The following MKRN2OS variants were observed in gnomAD, a reference collection of about 807,000 sequenced individuals.
MKRN2OS encodes the protein MKRN2 opposite strand protein.
Under a neutral mutation model 18.2 loss-of-function variants are expected in MKRN2OS, and 17 were observed. That is an observed-to-expected ratio of 0.93 (90% CI 0.64 to 1.40). The LOEUF (loss-of-function observed/expected upper bound fraction) is 1.40, where lower values mean the gene tolerates loss of function less well. Ranked by LOEUF, MKRN2OS falls within the 40% of genes most tolerant of loss-of-function variation. The pLI, the probability that MKRN2OS is intolerant of heterozygous loss-of-function variation, is 0.00. For synonymous variants in MKRN2OS, 121 were observed against 108.5 expected (o/e 1.12, Z -0.72); for missense variants, 337 against 283.0 (o/e 1.19, Z -1.37).
chr3:12,543,283 A>G, intron 1 of MKRN2OS, 54 bp from the exon 2 acceptor site: 6 of 1,454,726 alleles, frequency 4.1e-6, no homozygotes, highest in Non-Finnish European at 5.6e-6. Flanking sequence ...GGCATGAAGA[A>G]TTGGCATTTA....
At chr3:12,552,751 G>T (rs1257563205), downstream of MKRN2OS, among the ~76,000 whole-genome samples, 1 of 151,716 alleles carries the variant, frequency 6.6e-6, no homozygotes, top group Non-Finnish European at 1.5e-5. Flanking sequence ...GGCTGGGCAT[G>T]GTGGCTCATG....
chr3:12,545,507 TC>T (rs1339295122), upstream of MKRN2OS: 4 of 1,411,646 alleles, frequency 2.8e-6, no homozygotes, highest in Non-Finnish European at 3.8e-6. Flanking sequence ...TCCGGAGACT[TC>T]CTTTTCCTCA....
rs374370051 is a variant in MKRN2OS at position 12,556,738 on chromosome 3, T to C, written n.265-2604A>G. 5.6e-4 allele frequency among the ~76,000 whole-genome samples: 85 copies of C among 151,808 alleles called. 1 individual carries two copies. The highest frequency in any genetic ancestry group is 1.6e-3 in the African/African-American group (65 of 41,400). On this transcript the variant is annotated intron_variant and non_coding_transcript_variant, in intron 1 of 1. Coordinates refer to the MKRN2OS transcript ENST00000447550. Reference sequence around the variant, plus strand: ...ATGAATGGATAGGGGCATCCGGGATTAAGAGGAGAGGCTGGAGTTTCCCCA... The same window carrying C: ...ATGAATGGATAGGGGCATCCGGGATCAAGAGGAGAGGCTGGAGTTTCCCCA...
At chr3:12,552,536 C>T (rs1467423184), downstream of MKRN2OS, among the ~76,000 whole-genome samples, 3 of 150,916 alleles carry the variant, frequency 2.0e-5, no homozygotes, top group South Asian at 2.1e-4. Flanking sequence ...CTCAGCCTCC[C>T]GAGTAGCTGG....
chr3:12,552,315 CA>C (rs561991598), downstream of MKRN2OS, among the ~76,000 whole-genome samples: 29 of 138,844 alleles, frequency 2.1e-4, no homozygotes, highest in Middle Eastern at 3.7e-3. Context: ...AAGACCATCT[CA>C]AAAAAAAAAG....
At position 12,540,400 on chromosome 3, in the gene MKRN2OS, G is replaced by GT. The variant is rs2057779531; in HGVS notation, c.464dup (p.Tyr155Ter). ...YEDNHHNCYS[Y>*]ALTFINCVLM... ...GAACGCAGTTAATGAACGTGAGTGC[G>GT]TAAGAGTAGCAGTTATGGTGGTTGT... The change falls in exon 4 of 4, where the codon TAC becomes TAAC. Residue 155 changes from tyrosine to a stop codon, truncating the protein, a stop_gained and frameshift_variant. Coordinates refer to ENST00000564146, the MANE Select transcript of MKRN2OS (RefSeq NM_001195279.2). LOFTEE classifies it low-confidence loss of function (END_TRUNC). 10 of 1,536,134 alleles carry GT rather than the reference G, an allele frequency of 6.5e-6. No individual in the cohort carries two copies. Among genetic ancestry groups the GT allele is most frequent in the Admixed American group, 2.0e-5 (1 of 50,996 alleles).
At chr3:12,547,142 C>T (rs1159346744), upstream of MKRN2OS, among the ~76,000 whole-genome samples, 1 of 152,000 alleles carries the variant, frequency 6.6e-6, no homozygotes, top group Non-Finnish European at 1.5e-5. Flanking sequence ...ATAAGCAATT[C>T]CATAAAAATA....
intron 3 of MKRN2OS, among the ~76,000 whole-genome samples, chr3:12,541,526 TG>T (rs2057813230): frequency 6.6e-6 from 1 of 151,938 alleles, no homozygotes; most frequent in Non-Finnish European, 1.5e-5. Flanking sequence ...GCCTGAATAT[TG>T]TTTTTTTTAA....
chr3:12,544,673 C>G (rs2057861664), intron 1 of MKRN2OS, among the ~76,000 whole-genome samples: 1 of 115,468 alleles, frequency 8.7e-6, no homozygotes, highest in Non-Finnish European at 1.7e-5. Context: ...GAGCGAAACT[C>G]TGTCTCGGGG....
chr3:12,540,402 A>G lies in MKRN2OS; in HGVS notation c.463T>C (p.Tyr155His), dbSNP rs1436253783. Residue 155 changes from tyrosine to histidine, a missense_variant, in exon 4 of 4, where the codon TAC becomes CAC. Transcript: ENST00000564146. ...YEDNHHNCYS[Y>H]ALTFINCVLM... ...ACGCAGTTAATGAACGTGAGTGCGT[A>G]AGAGTAGCAGTTATGGTGGTTGTCT... 8 of 1,536,120 alleles carry G rather than the reference A, an allele frequency of 5.2e-6. No homozygotes were observed. Among genetic ancestry groups the G allele is most frequent in the Non-Finnish European group, 7.0e-6 (8 of 1,146,898 alleles).
chr3:12,544,134 G>C (rs1330816017), intron 1 of MKRN2OS, among the ~76,000 whole-genome samples: 1 of 152,174 alleles, frequency 6.6e-6, no homozygotes, highest in East Asian at 1.9e-4. Context: ...ATAGGGACCA[G>C]AAGGAAATTA....
At chr3:12,555,455 T>C (rs568695697) in intron 1 of MKRN2OS, among the ~76,000 whole-genome samples, 3 of 152,230 alleles carry the variant, frequency 2.0e-5, no homozygotes, top group Admixed American at 1.3e-4. Flanking sequence ...ATTTCAAAAG[T>C]TCTAAATAAT....
In MKRN2OS at chr3:12,540,395, A is replaced by G; in HGVS notation, c.470T>C (p.Leu157Pro). ...CATCAGAACGCAGTTAATGAACGTG[A>G]GTGCGTAAGAGTAGCAGTTATGGTG... ...DNHHNCYSYA[L>P]TFINCVLMAE... is the part of the protein sequence containing the mutation. The change falls in exon 4 of 4, where the codon CTC (leucine) becomes CCC (proline). Residue 157 changes from leucine to proline, a missense_variant. Leu to Pro is a moderately conservative substitution (Grantham distance 98). Coordinates refer to ENST00000564146, the MANE Select transcript of MKRN2OS (RefSeq NM_001195279.2). The G allele has an allele frequency of 1.3e-6, 2 of 1,536,138 alleles. No individual in the cohort carries two copies. Among genetic ancestry groups the G allele is most frequent in the Non-Finnish European group, 1.7e-6 (2 of 1,146,914 alleles).
chr3:12,551,235 G>A (rs1055164883), downstream of MKRN2OS, among the ~76,000 whole-genome samples: 6 of 151,434 alleles, frequency 4.0e-5, no homozygotes, highest in South Asian at 8.4e-4. Flanking sequence ...GCTCACGCCT[G>A]TAATCCCAGC....
chr3:12,556,908 GA>G, intron 1 of MKRN2OS: 1 of 397,520 alleles, frequency 2.5e-6, no homozygotes, highest in Middle Eastern at 6.6e-4. Context: ...CGGAGGCTTG[GA>G]AGTGCGGGAC....
intron 1 of MKRN2OS, chr3:12,554,258 T>A (rs2057949793): frequency 6.6e-6 from 1 of 152,010 alleles, no homozygotes; most frequent in Non-Finnish European, 1.5e-5. Context: ...GTGAGGAAAG[T>A]GAGTTCCACG....
intron 2 of MKRN2OS, 95 bp from the exon 3 acceptor site, chr3:12,542,117 T>G (rs2057823450): frequency 8.0e-7 from 1 of 1,250,928 alleles, no homozygotes; most frequent in Admixed American, 2.5e-5. Flanking sequence ...ATGTGGTAAC[T>G]TTACGTAACA....
intron 1 of MKRN2OS, among the ~76,000 whole-genome samples, chr3:12,555,096 G>A (rs2125295708): frequency 6.6e-6 from 1 of 152,320 alleles, no homozygotes; most frequent in African/African-American, 2.4e-5. Context: ...GATTGCCTGA[G>A]CTCAGAAGTT....
chr3:12,558,386 C>G (rs1319876050), intron 1 of MKRN2OS, among the ~76,000 whole-genome samples: 6 of 152,154 alleles, frequency 3.9e-5, no homozygotes, highest in Non-Finnish European at 1.5e-5. Context: ...TAAAGTTTCT[C>G]CTGCTGGAGG....
Sources: allele counts gnomAD v4.1 joint callset (sites outside exome capture counted in the v4.1 genomes callset), GRCh38; gene constraint gnomAD v4.1.1; transcripts MANE v1.5; gene names NCBI Gene and HGNC (gene_info 2026-07-23, HGNC 2026-07-21).